SHROOM2: variants seen among roughly 807,000 people sequenced by gnomAD.
SHROOM2 encodes protein Shroom2.
Under a neutral mutation model 75.9 loss-of-function variants are expected in SHROOM2, and 33 were observed. That is an observed-to-expected ratio of 0.43 (90% CI 0.33 to 0.58). SHROOM2 has a LOEUF of 0.58. Ranked by LOEUF, SHROOM2 falls within the 20% of genes least tolerant of loss-of-function variation. The pLI, the probability that SHROOM2 is intolerant of heterozygous loss-of-function variation, is 0.04. For missense variants in SHROOM2, 1,434 were observed against 1,461.2 expected (o/e 0.98, Z 0.30); for synonymous variants, 655 against 663.6 (o/e 0.99, Z 0.20).
At chrX:9,808,673 C>G (rs1445051463) in intron 1 of SHROOM2, among the ~76,000 whole-genome samples, 1 of 110,445 alleles carries the variant, frequency 9.1e-6, no homozygotes, top group Non-Finnish European at 1.9e-5. Flanking sequence ...ACCAGCCTGG[C>G]CAACGTGGTG....
At chrX:9,944,960 G>C in intron 9 of SHROOM2, 47 bp downstream of exon 9, 1 of 1,142,197 alleles carries the variant, frequency 8.8e-7, no homozygotes, top group South Asian at 2.0e-5. Context: ...GGTCTCGTGG[G>C]AAGGCTGTTT....
At position 9,818,895 on chromosome X, in the gene SHROOM2, C is replaced by T. The variant is rs73472966; in HGVS notation, c.165+32185C>T. On this transcript the variant is annotated intron_variant, in intron 1 of 9. Coordinates refer to ENST00000380913, the MANE Select transcript of SHROOM2 (RefSeq NM_001649.4). Reference sequence around the variant, plus strand: ...CATCCATTCTGCACCTTTGAGCTTCCTCAGTTGTATCTTCCCCCCAGTCAT... The same window carrying T: ...CATCCATTCTGCACCTTTGAGCTTCTTCAGTTGTATCTTCCCCCCAGTCAT... 0.011 allele frequency: 5,835 copies of T among 540,146 alleles called. 215 individuals carry two copies. The African/African-American group carries it at 0.12, about 11-fold the overall frequency. 44.5% of individuals were successfully genotyped at this position (540,146 alleles called of 1,213,427 possible).
chrX:9,792,122 A>G (rs1419621902), intron 1 of SHROOM2, among the ~76,000 whole-genome samples: 3 of 21,597 alleles, frequency 1.4e-4, no homozygotes, highest in African/African-American at 2.4e-4. Flanking sequence ...AATAGAATAG[A>G]ATAGAATAGA....
intron 2 of SHROOM2, among the ~76,000 whole-genome samples, chrX:9,885,620 T>C (rs955731096): frequency 7.2e-5 from 8 of 111,150 alleles, no homozygotes; most frequent in African/African-American, 2.3e-4. Context: ...GCAGAAAGAG[T>C]GCAACTCTTT....
intron 1 of SHROOM2, among the ~76,000 whole-genome samples, chrX:9,836,484 T>TTC (rs200921022): frequency 1.1e-3 from 117 of 105,622 alleles, no homozygotes; most frequent in Middle Eastern, 9.7e-3. Context: ...ACCCCCCAGC[T>TTC]TCTCTCTCTC....
At chrX:9,923,680 A>G in intron 5 of SHROOM2, among the ~76,000 whole-genome samples, 1 of 112,124 alleles carries the variant, frequency 8.9e-6, no homozygotes, top group East Asian at 2.8e-4. Context: ...CACAGAGACA[A>G]TAGAGGCCTG....
intron 2 of SHROOM2, among the ~76,000 whole-genome samples, chrX:9,884,325 G>A (rs750906303): frequency 1.9e-5 from 2 of 106,940 alleles, no homozygotes; most frequent in South Asian, 4.2e-4. Context: ...TCTTCTAAAA[G>A]GTTAGGAAAA....
chrX:9,794,791 T>G (rs2083686009), intron 1 of SHROOM2, among the ~76,000 whole-genome samples: 1 of 112,481 alleles, frequency 8.9e-6, no homozygotes, highest in Non-Finnish European at 1.9e-5. Flanking sequence ...CAGGATAGTT[T>G]TCTTTGCTTA....
At chrX:9,917,936 G>A (rs146903307) in intron 5 of SHROOM2, among the ~76,000 whole-genome samples, 68 of 112,378 alleles carry the variant, frequency 6.1e-4, no homozygotes, top group African/African-American at 1.9e-3. Context: ...GAAATGTGAC[G>A]TTACAGTGGA....
At chrX:9,851,459 C>CTT (rs58104608) in intron 1 of SHROOM2, among the ~76,000 whole-genome samples, 1 of 80,095 alleles carries the variant, frequency 1.2e-5, no homozygotes, top group South Asian at 6.2e-4. Context: ...TTTTTTTTTT[C>CTT]TTTTTTTTTT....
chrX:9,802,083 G>A (rs776943281), intron 1 of SHROOM2, among the ~76,000 whole-genome samples: 1 of 110,632 alleles, frequency 9.0e-6, no homozygotes, highest in Admixed American at 9.7e-5. Flanking sequence ...GGACAGCTCC[G>A]TTTTAGCCTT....
intron 1 of SHROOM2, among the ~76,000 whole-genome samples, chrX:9,850,831 C>CAAAAAA (rs757769302): frequency 1.8e-4 from 14 of 76,233 alleles, no homozygotes; most frequent in African/African-American, 4.4e-4. Flanking sequence ...GACTCTGTGT[C>CAAAAAA]AAAAAAAAAA....
intron 4 of SHROOM2, among the ~76,000 whole-genome samples, chrX:9,897,242 G>A (rs1055349602): frequency 1.8e-5 from 2 of 111,856 alleles, no homozygotes; most frequent in African/African-American, 6.5e-5. Context: ...TAAGGTGAGA[G>A]TTTTGATGGT....
chrX:9,822,465 T>C (rs1456304999), intron 1 of SHROOM2, among the ~76,000 whole-genome samples: 1 of 112,647 alleles, frequency 8.9e-6, no homozygotes, highest in East Asian at 2.8e-4. Flanking sequence ...GGAAGCCTTG[T>C]CCTACCAGCA....
chrX:9,792,454 G>GTTTTTTTTTTTTT (rs34640554), intron 1 of SHROOM2, among the ~76,000 whole-genome samples: 1 of 98,237 alleles, frequency 1.0e-5, no homozygotes, highest in Non-Finnish European at 2.1e-5. Flanking sequence ...GTTTTTTTGT[G>GTTTTTTTTTTTTT]TTGTTTTTTT....
intron 5 of SHROOM2, among the ~76,000 whole-genome samples, chrX:9,902,208 C>T (rs1315524097): frequency 1.9e-5 from 2 of 103,280 alleles, no homozygotes; most frequent in Admixed American, 1.1e-4. Flanking sequence ...GTTGGATGGA[C>T]GAATGGAAAA....
At chrX:9,902,028 G>A (rs757002454) in intron 5 of SHROOM2, among the ~76,000 whole-genome samples, 9 of 110,712 alleles carry the variant, frequency 8.1e-5, no homozygotes, top group Middle Eastern at 4.6e-3. Flanking sequence ...TTGGATGGAT[G>A]GAAGGGTAAG....
At chrX:9,799,863 A>G (rs764837168) in intron 1 of SHROOM2, among the ~76,000 whole-genome samples, 7 of 111,268 alleles carry the variant, frequency 6.3e-5, no homozygotes, top group East Asian at 2.8e-4. Context: ...TACCAAATCA[A>G]CTTTTCGTCT....
chrX:9,881,433 C>T (rs2084231053), intron 2 of SHROOM2, among the ~76,000 whole-genome samples: 1 of 111,245 alleles, frequency 9.0e-6, no homozygotes, highest in Admixed American at 9.5e-5. Flanking sequence ...GCCTGCCACC[C>T]TCTCGGTGAG....
Sources: gnomAD v4.1 joint callset for allele counts (sites outside exome capture counted in the v4.1 genomes callset) on GRCh38, gnomAD v4.1.1 for gene constraint, MANE v1.5 for transcripts, NCBI Gene and HGNC (gene_info 2026-07-23, HGNC 2026-07-21) for gene names.